Variants in NUBPL observed in about 807,000 individuals in gnomAD.
NUBPL encodes the protein iron-sulfur cluster transfer protein NUBPL.
Under a neutral mutation model 45.7 loss-of-function variants are expected in NUBPL, and 31 were observed. That is an observed-to-expected ratio of 0.68 (90% CI 0.51 to 0.92). NUBPL has a LOEUF of 0.92. NUBPL is among the 40% of genes least tolerant of loss of function. NUBPL has a pLI of 0.00. For synonymous variants in NUBPL, 144 were observed against 140.9 expected, an observed-to-expected ratio of 1.02 and a Z score of -0.15; for missense variants, 401 against 398.7, an observed-to-expected ratio of 1.01 and a Z score of -0.05.
At chr14:31,805,774 G>A (rs2039673022) in intron 7 of NUBPL, among the ~76,000 whole-genome samples, 1 of 151,936 alleles carries the variant, frequency 6.6e-6, no homozygotes, top group South Asian at 2.1e-4. Context: ...TGGGAGGAAG[G>A]AGAGGAGCTG....
intron 4 of NUBPL, among the ~76,000 whole-genome samples, chr14:31,648,923 C>T (rs900534448): frequency 1.3e-5 from 2 of 152,226 alleles, no homozygotes; most frequent in African/African-American, 4.8e-5. Flanking sequence ...ATTCTCTTGC[C>T]TCTGCCTCCC....
At chr14:31,629,181 G>A (rs890713595) in intron 4 of NUBPL, among the ~76,000 whole-genome samples, 5 of 152,138 alleles carry the variant, frequency 3.3e-5, no homozygotes, top group African/African-American at 1.2e-4. Flanking sequence ...CTTGTTTAAT[G>A]GAAAGTTCTT....
chr14:31,834,333 A>C (rs945009733), intron 8 of NUBPL, among the ~76,000 whole-genome samples: 2 of 151,976 alleles, frequency 1.3e-5, no homozygotes, highest in African/African-American at 4.8e-5. Flanking sequence ...GGCTCCTGCC[A>C]CCATGCCTGG....
chr14:31,614,198 G>A (rs2034837186), intron 4 of NUBPL, among the ~76,000 whole-genome samples: 1 of 152,064 alleles, frequency 6.6e-6, no homozygotes, highest in African/African-American at 2.4e-5. Flanking sequence ...CTGTAAGCAA[G>A]TTTTTTTGTT....
chr14:31,565,550 T>C (rs2033414652), intron 3 of NUBPL, among the ~76,000 whole-genome samples: 1 of 152,156 alleles, frequency 6.6e-6, no homozygotes, highest in Admixed American at 6.5e-5. Flanking sequence ...TCTAAAACAA[T>C]GTACATGTAT....
chr14:31,644,822 G>A (rs538849209), intron 4 of NUBPL, among the ~76,000 whole-genome samples: 231 of 151,940 alleles, frequency 1.5e-3, no homozygotes, highest in Middle Eastern at 0.01. Flanking sequence ...TATATGCTTG[G>A]GTACTGGGTA....
At chr14:31,857,931 G>C (rs113119431) in intron 10 of NUBPL, among the ~76,000 whole-genome samples, 43 of 152,218 alleles carry the variant, frequency 2.8e-4, no homozygotes, top group African/African-American at 1.0e-3. Flanking sequence ...ACATTTTCGG[G>C]TATCTTTTCA....
At chr14:31,675,506 T>C (rs1347999578) in intron 6 of NUBPL, among the ~76,000 whole-genome samples, 1 of 152,224 alleles carries the variant, frequency 6.6e-6, no homozygotes, top group Non-Finnish European at 1.5e-5. Flanking sequence ...ATTGGCTCAT[T>C]TTAAACAATT....
chr14:31,645,575 C>G (rs2035825502), intron 4 of NUBPL, among the ~76,000 whole-genome samples: 1 of 151,668 alleles, frequency 6.6e-6, no homozygotes, highest in Admixed American at 6.6e-5. Context: ...TGTGGTTAAC[C>G]CTGAGTTTTC....
intron 6 of NUBPL, among the ~76,000 whole-genome samples, chr14:31,750,938 G>A (rs1033070693): frequency 6.6e-6 from 1 of 152,142 alleles, no homozygotes; most frequent in Non-Finnish European, 1.5e-5. Flanking sequence ...AATCATGGTG[G>A]AAGGCAACAG....
chr14:31,654,240 G>A (rs976119901), intron 4 of NUBPL: 1 of 273,352 alleles, frequency 3.7e-6, no homozygotes, highest in African/African-American at 2.2e-5. Flanking sequence ...AAATATGTAT[G>A]TACCTTAATT....
rs932724604 is a variant in NUBPL, at chr14:31,729,286, C to CG, written c.513+55712_513+55713insG. ...AGAGAGATGCTCCATCCCCCCCCCCCCCAAAAAAAAAGTCATTCAACAAAT... is the reference window on the plus strand; with the variant it reads ...AGAGAGATGCTCCATCCCCCCCCCCCGCCAAAAAAAAAGTCATTCAACAAAT... On this transcript the variant is annotated intron_variant, in intron 6 of 10. Transcript: ENST00000281081. Among the ~76,000 whole-genome samples the CG allele has an allele frequency of 9.6e-5, 14 of 146,482 alleles. No homozygotes were observed. In the South Asian group the frequency reaches 1.6e-3, roughly 17 times the overall value.
intron 4 of NUBPL, among the ~76,000 whole-genome samples, chr14:31,629,675 C>T (rs868440372): frequency 3.3e-5 from 5 of 151,990 alleles, no homozygotes; most frequent in South Asian, 2.1e-4. Context: ...ACAAGACTGA[C>T]GAATGGGGAG....
At chr14:31,717,339 C>G (rs2139940339) in intron 6 of NUBPL, among the ~76,000 whole-genome samples, 1 of 152,264 alleles carries the variant, frequency 6.6e-6, no homozygotes, top group Admixed American at 6.5e-5. Context: ...TTGGGAAAGC[C>G]TTGTGTGGTA....
rs142383757 is a variant in NUBPL at position 31,639,051 on chromosome 14, G to C, written c.383-34304G>C. ...TTTGAGTTTCCTCCCATAGCTCGGA[G>C]TAGTTTGGTTGTCTGAAGCCTTCTT... On this transcript the variant is annotated intron_variant, in intron 4 of 10. Coordinates refer to ENST00000281081, the MANE Select transcript of NUBPL (RefSeq NM_025152.3). 2.2e-3 allele frequency among the ~76,000 whole-genome samples: 333 copies of C among 152,252 alleles called. 3 individuals carry two copies. The highest frequency in any genetic ancestry group is 7.6e-3 in the African/African-American group (316 of 41,536).
chr14:31,822,073 T>C (rs1381381013), intron 7 of NUBPL, among the ~76,000 whole-genome samples: 1 of 151,948 alleles, frequency 6.6e-6, no homozygotes, highest in Non-Finnish European at 1.5e-5. Context: ...CAGTGGCTAA[T>C]GGGTACAAAA....
chr14:31,719,497 A>C (rs529689053), intron 6 of NUBPL, among the ~76,000 whole-genome samples: 4 of 152,284 alleles, frequency 2.6e-5, no homozygotes, highest in African/African-American at 9.6e-5. Context: ...AAGGAAAAAA[A>C]AAAAACTACC....
chr14:31,750,178 ATT>A (rs34645652), intron 6 of NUBPL, among the ~76,000 whole-genome samples: 15 of 126,482 alleles, frequency 1.2e-4, no homozygotes, highest in South Asian at 2.7e-4. Context: ...CATTATTATT[ATT>A]TTTTTTTTTT....
intron 6 of NUBPL, among the ~76,000 whole-genome samples, chr14:31,763,699 T>C (rs1463577312): frequency 6.6e-6 from 1 of 152,226 alleles, no homozygotes; most frequent in Non-Finnish European, 1.5e-5. Context: ...GTCAGAACTT[T>C]AATTTTATTT....
Sources: gnomAD v4.1 joint callset for allele counts (sites outside exome capture counted in the v4.1 genomes callset) on GRCh38, gnomAD v4.1.1 for gene constraint, MANE v1.5 for transcripts, NCBI Gene and HGNC (gene_info 2026-07-23, HGNC 2026-07-21) for gene names.